FGGY: variants seen among roughly 807,000 people sequenced by gnomAD.
The protein encoded by FGGY is FGGY carbohydrate kinase domain-containing protein.
A neutral mutation model predicts 71.3 loss-of-function variants in FGGY; 72 were observed. The observed-to-expected ratio is 1.01, with a 90% CI of 0.84 to 1.23. The LOEUF (loss-of-function observed/expected upper bound fraction) is 1.23. FGGY is among the 50% of genes most tolerant of loss of function. FGGY has a pLI of 0.00. For missense variants in FGGY, 668 were observed against 682.3 expected (o/e 0.98, Z 0.23); for synonymous variants, 251 against 250.3 (o/e 1.00, Z -0.02).
chr1:59,723,940 A>T (rs1190281744), intron 14 of FGGY, among the ~76,000 whole-genome samples: 1 of 152,220 alleles, frequency 6.6e-6, no homozygotes, highest in East Asian at 1.9e-4. Context: ...AGGCAGGCAG[A>T]TCACATGAGG....
intron 14 of FGGY, among the ~76,000 whole-genome samples, chr1:59,681,948 T>A (rs551022411): frequency 6.6e-6 from 1 of 152,306 alleles, no homozygotes; most frequent in South Asian, 2.1e-4. Context: ...AAAGAAATCA[T>A]AATTATAGTT....
At chr1:59,726,148 T>C (rs1404132610) in intron 14 of FGGY, among the ~76,000 whole-genome samples, 1 of 151,946 alleles carries the variant, frequency 6.6e-6, no homozygotes, top group African/African-American at 2.4e-5. Context: ...GATTGTTAGA[T>C]TTTTTTGAAA....
At chr1:59,374,285 C>T (rs1007469078) in intron 4 of FGGY, among the ~76,000 whole-genome samples, 11 of 152,170 alleles carry the variant, frequency 7.2e-5, no homozygotes, top group African/African-American at 2.7e-4. Flanking sequence ...TTTATGCAGC[C>T]AGAAACCACA....
In FGGY at chr1:59,699,469, T is replaced by C. The variant is rs187225504; in HGVS notation, c.1512+25336T>C. ...GAGAACATTGCATGGGCTGCTAAAATCTCAAAAACAACCCCTCTGCTCTTT... is the reference window on the plus strand; with the variant it reads ...GAGAACATTGCATGGGCTGCTAAAACCTCAAAAACAACCCCTCTGCTCTTT... On this transcript the variant is annotated intron_variant, in intron 14 of 15. Coordinates refer to ENST00000303721, the MANE Select transcript of FGGY (RefSeq NM_018291.5). 3.9e-5 allele frequency: 35 copies of C among 907,132 alleles called. No individual in the cohort carries two copies. In the East Asian group the frequency reaches 4.2e-3, roughly 108 times the overall value. 56.2% of individuals were successfully genotyped at this position (907,132 alleles called of 1,614,324 possible).
At chr1:59,732,161 C>A (rs1445371514) in intron 14 of FGGY, among the ~76,000 whole-genome samples, 1 of 152,172 alleles carries the variant, frequency 6.6e-6, no homozygotes, top group African/African-American at 2.4e-5. Flanking sequence ...CATTCCTTTT[C>A]TCTTTAATCC....
chr1:59,434,069 A>T (rs1205845702), intron 5 of FGGY, among the ~76,000 whole-genome samples: 1 of 152,144 alleles, frequency 6.6e-6, no homozygotes, highest in Non-Finnish European at 1.5e-5. Context: ...CCTCCATGGG[A>T]TTATTATTAA....
chr1:59,660,355 G>A, intron 12 of FGGY, 62 bp downstream of exon 12: 1 of 1,265,522 alleles, frequency 7.9e-7, no homozygotes, highest in Non-Finnish European at 1.1e-6. Context: ...CTAGGCCACT[G>A]GCTCCCCAAG....
At chr1:59,464,911 A>G (rs1307464367) in intron 6 of FGGY, among the ~76,000 whole-genome samples, 1 of 152,210 alleles carries the variant, frequency 6.6e-6, no homozygotes, top group African/African-American at 2.4e-5. Flanking sequence ...GTTCAGGACC[A>G]GACAGATTCA....
chr1:59,717,993 C>T (rs919866051), intron 14 of FGGY, among the ~76,000 whole-genome samples: 2 of 152,132 alleles, frequency 1.3e-5, no homozygotes, highest in Admixed American at 1.3e-4. Context: ...CCTATGGTCA[C>T]ACAGCTGGTA....
At chr1:59,663,998 G>A (rs2097301240) in intron 12 of FGGY, among the ~76,000 whole-genome samples, 1 of 152,144 alleles carries the variant, frequency 6.6e-6, no homozygotes, top group South Asian at 2.1e-4. Context: ...AAGTTAACTT[G>A]GGACTGTGCA....
chr1:59,713,579 C>A (rs901783466), intron 14 of FGGY, among the ~76,000 whole-genome samples: 6 of 152,170 alleles, frequency 3.9e-5, no homozygotes, highest in Non-Finnish European at 5.9e-5. Flanking sequence ...ATGATAACCA[C>A]TTTTTTGGTA....
chr1:59,584,486 C>A (rs1370116670), intron 8 of FGGY, among the ~76,000 whole-genome samples: 2 of 149,884 alleles, frequency 1.3e-5, no homozygotes, highest in Non-Finnish European at 2.9e-5. Flanking sequence ...ATGCTAAAAA[C>A]TCTCAATAAA....
At chr1:59,729,935 T>C (rs1039985244) in intron 14 of FGGY, among the ~76,000 whole-genome samples, 2 of 152,154 alleles carry the variant, frequency 1.3e-5, no homozygotes, top group African/African-American at 4.8e-5. Flanking sequence ...CTCTGTGTTA[T>C]GGAAAAACAC....
chr1:59,529,433 G>C (rs1180769832), intron 7 of FGGY, among the ~76,000 whole-genome samples: 2 of 152,112 alleles, frequency 1.3e-5, no homozygotes, highest in African/African-American at 2.4e-5. Context: ...AAGTGGGAAG[G>C]GATAGCCTTT....
chr1:59,439,683 A>T (rs1414504055), intron 5 of FGGY, among the ~76,000 whole-genome samples: 4 of 152,228 alleles, frequency 2.6e-5, no homozygotes, highest in African/African-American at 7.2e-5. Context: ...CATAAAGATG[A>T]AAAGCAGCTG....
chr1:59,319,871 C>CT (rs2046084598), intron 1 of FGGY, among the ~76,000 whole-genome samples: 1 of 152,052 alleles, frequency 6.6e-6, no homozygotes, highest in Non-Finnish European at 1.5e-5. Flanking sequence ...AGAGGGACTG[C>CT]TGGGGGGAAG....
rs531193358 is a variant in FGGY, at chr1:59,481,551, C to T, written c.670+24475C>T. On this transcript the variant is annotated intron_variant, in intron 6 of 15. Transcript: ENST00000303721. ...AGTAAAAGGGCATATTTATAAAAAACGTGGAAACCAAGAAATCTGTTTTGT... is the reference window on the plus strand; with the variant it reads ...AGTAAAAGGGCATATTTATAAAAAATGTGGAAACCAAGAAATCTGTTTTGT... 6.6e-5 allele frequency among the ~76,000 whole-genome samples: 10 copies of T among 152,250 alleles called. No homozygotes were observed. The East Asian group carries it at 1.7e-3, about 26-fold the overall frequency.
intron 12 of FGGY, among the ~76,000 whole-genome samples, chr1:59,662,771 A>G (rs969282186): frequency 1.3e-5 from 2 of 152,176 alleles, no homozygotes; most frequent in Non-Finnish European, 2.9e-5. Context: ...TAGCCTAGGT[A>G]TGTAGTAGGC....
intron 8 of FGGY, among the ~76,000 whole-genome samples, chr1:59,582,889 T>A (rs1473153475): frequency 6.7e-6 from 1 of 150,110 alleles, no homozygotes; most frequent in East Asian, 1.9e-4. Context: ...AGGCAAACAT[T>A]AGAGATGTGA....
Sources: gnomAD v4.1 joint callset for allele counts (sites outside exome capture counted in the v4.1 genomes callset) on GRCh38, gnomAD v4.1.1 for gene constraint, MANE v1.5 for transcripts, NCBI Gene and HGNC (gene_info 2026-07-23, HGNC 2026-07-21) for gene names.